The following SLC39A11 variants were observed in gnomAD, a reference collection of about 807,000 sequenced individuals.
The protein encoded by SLC39A11 is solute carrier family 39 member 11, also known as zinc transporter ZIP11.
In SLC39A11, 33 loss-of-function variants were observed where a neutral mutation model predicts 36.1. The ratio of observed to expected loss-of-function variants is 0.91; its 90% CI spans 0.69 to 1.22. SLC39A11 has a LOEUF of 1.22. Among genes scored for constraint, SLC39A11 ranks in the 50% most tolerant of loss-of-function variants. SLC39A11 has a pLI of 0.00. For synonymous variants in SLC39A11, 166 were observed against 170.3 expected (o/e 0.97, Z 0.20); for missense variants, 432 against 430.3 (o/e 1.00, Z -0.03).
At chr17:72,780,286 G>A (rs1381681220) in intron 6 of SLC39A11, among the ~76,000 whole-genome samples, 1 of 152,168 alleles carries the variant, frequency 6.6e-6, no homozygotes. Flanking sequence ...CCAAGGGAGA[G>A]CTGGTGTAAA....
chr17:73,041,899 G>A (rs2059123670), intron 3 of SLC39A11, among the ~76,000 whole-genome samples: 1 of 152,108 alleles, frequency 6.6e-6, no homozygotes, highest in Non-Finnish European at 1.5e-5. Context: ...AACCTAGAAA[G>A]GCTCATAATC....
At position 72,967,393 on chromosome 17, in the gene SLC39A11, AGAGAGAGT is replaced by A. The variant is rs1388100701; in HGVS notation, c.307-19526_307-19519del. 1.2e-4 allele frequency among the ~76,000 whole-genome samples: 17 copies of A among 144,190 alleles called. 1 individual carries two copies. Among genetic ancestry groups the A allele is most frequent in the Admixed American group, 7.4e-4 (11 of 14,814 alleles). 94.6% of individuals were successfully genotyped at this position (144,190 alleles called of 152,430 possible). ...CTCAGAGAGAGAGAGAGAGAGAGAG[AGAGAGAGT>A]GTGTGTGTGTGTGTGTTTTCCTTTT... On this transcript the variant is annotated intron_variant, in intron 4 of 9. Coordinates refer to ENST00000255559, the MANE Select transcript of SLC39A11 (RefSeq NM_139177.4).
intron 5 of SLC39A11, among the ~76,000 whole-genome samples, chr17:72,870,460 G>A (rs538121106): frequency 6.6e-6 from 1 of 152,346 alleles, no homozygotes; most frequent in East Asian, 1.9e-4. Context: ...TGCTGAAAAC[G>A]GGTGCCCTGC....
chr17:72,995,046 C>G (rs540202854), intron 4 of SLC39A11, among the ~76,000 whole-genome samples: 14 of 152,306 alleles, frequency 9.2e-5, no homozygotes, highest in Non-Finnish European at 1.6e-4. Flanking sequence ...TCAACCTGGA[C>G]AGAGAGTTAG....
chr17:72,852,917 T>C (rs1315270065), intron 5 of SLC39A11, among the ~76,000 whole-genome samples: 1 of 152,226 alleles, frequency 6.6e-6, no homozygotes, highest in Non-Finnish European at 1.5e-5. Flanking sequence ...CCTGATTTCC[T>C]GTGCCTGGTC....
rs368426823 is a variant in SLC39A11, at chr17:72,867,456, C to T, written c.431-17652G>A. ...CGGAGGTTGCGGTGAGCTGAGATCG[C>T]GCCACTGTACTCCAGCCTGGGCGAC... On this transcript the variant is annotated intron_variant, in intron 5 of 9. Coordinates refer to ENST00000255559, the MANE Select transcript of SLC39A11 (RefSeq NM_139177.4). 2.6e-3 allele frequency among the ~76,000 whole-genome samples: 394 copies of T among 152,132 alleles called. 1 individual carries two copies. The highest frequency in any genetic ancestry group is 9.1e-3 in the African/African-American group (376 of 41,494).
chr17:72,979,976 A>G (rs1249664344), intron 4 of SLC39A11, among the ~76,000 whole-genome samples: 1 of 152,090 alleles, frequency 6.6e-6, no homozygotes, highest in South Asian at 2.1e-4. Context: ...TTGCTGCTGG[A>G]TCCACTGATT....
intron 3 of SLC39A11, among the ~76,000 whole-genome samples, chr17:73,059,103 A>G (rs1226743259): frequency 6.6e-6 from 1 of 152,224 alleles, no homozygotes; most frequent in African/African-American, 2.4e-5. Context: ...CTTAGTTAAA[A>G]TACTAGAACA....
At chr17:72,913,428 G>C (rs1025877442) in intron 5 of SLC39A11, among the ~76,000 whole-genome samples, 6 of 152,144 alleles carry the variant, frequency 3.9e-5, no homozygotes, top group Admixed American at 1.3e-4. Context: ...AAGTAAAGAG[G>C]AAGGAAAAAT....
At chr17:73,036,196 A>G (rs374408451) in intron 3 of SLC39A11, among the ~76,000 whole-genome samples, 2 of 152,372 alleles carry the variant, frequency 1.3e-5, no homozygotes. Flanking sequence ...TTGTTACAAC[A>G]GCAATAGAAA....
chr17:73,004,781 A>G (rs930083055), intron 4 of SLC39A11, among the ~76,000 whole-genome samples: 1 of 152,198 alleles, frequency 6.6e-6, no homozygotes. Flanking sequence ...GCAAAGATGG[A>G]CTGTGGTCCT....
intron 7 of SLC39A11, among the ~76,000 whole-genome samples, chr17:72,650,570 C>T (rs967857176): frequency 2.0e-5 from 3 of 152,278 alleles, no homozygotes; most frequent in South Asian, 2.1e-4. Flanking sequence ...CTACCTTGGC[C>T]GGACAGTTCC....
intron 6 of SLC39A11, among the ~76,000 whole-genome samples, chr17:72,791,794 C>T (rs1419510931): frequency 6.6e-6 from 1 of 152,132 alleles, no homozygotes; most frequent in Non-Finnish European, 1.5e-5. Context: ...GGCTTTTCGC[C>T]CTTTTGCTCG....
chr17:72,882,229 G>A (rs575650483), intron 5 of SLC39A11, among the ~76,000 whole-genome samples: 1 of 152,086 alleles, frequency 6.6e-6, no homozygotes, highest in South Asian at 2.1e-4. Flanking sequence ...GGTGGTGCAC[G>A]TCTGTAGTCC....
intron 4 of SLC39A11, among the ~76,000 whole-genome samples, chr17:72,948,958 GAAC>G (rs891166409): frequency 2.0e-5 from 3 of 151,838 alleles, no homozygotes; most frequent in Admixed American, 6.6e-5. Flanking sequence ...ATCTCAACAG[GAAC>G]AACAAGGCAG....
intron 7 of SLC39A11, among the ~76,000 whole-genome samples, chr17:72,729,447 A>ATTTTTTTTT (rs2074114827): frequency 2.5e-4 from 1 of 4,002 alleles, no homozygotes; most frequent in Non-Finnish European, 4.6e-4. Flanking sequence ...ATATATATAT[A>ATTTTTTTTT]TATATATATA....
intron 6 of SLC39A11, among the ~76,000 whole-genome samples, chr17:72,768,296 T>G (rs1464807310): frequency 6.6e-6 from 1 of 152,244 alleles, no homozygotes; most frequent in Non-Finnish European, 1.5e-5. Context: ...AGAAGGGCTA[T>G]TATCATTTAA....
chr17:72,747,432 G>T (rs963405533), intron 6 of SLC39A11, among the ~76,000 whole-genome samples: 3 of 152,192 alleles, frequency 2.0e-5, no homozygotes, highest in Non-Finnish European at 2.9e-5. Context: ...AATTACAGGC[G>T]TGAGCCACCG....
intron 5 of SLC39A11, among the ~76,000 whole-genome samples, chr17:72,869,142 T>G (rs551175266): frequency 6.6e-6 from 1 of 152,108 alleles, no homozygotes; most frequent in Non-Finnish European, 1.5e-5. Flanking sequence ...GCCTTTGAAA[T>G]GGACATCCCC....
Sources: allele counts gnomAD v4.1 joint callset (sites outside exome capture counted in the v4.1 genomes callset), GRCh38; gene constraint gnomAD v4.1.1; transcripts MANE v1.5; gene names NCBI Gene and HGNC (gene_info 2026-07-23, HGNC 2026-07-21).